The following HEMGN variants were observed in gnomAD, a reference collection of about 807,000 sequenced individuals.
HEMGN encodes the protein erythroid differentiation-associated gene protein.
A neutral mutation model predicts 45.7 loss-of-function variants in HEMGN; 32 were observed. That is an observed-to-expected ratio of 0.70 (90% CI 0.53 to 0.94). The LOEUF (loss-of-function observed/expected upper bound fraction) is 0.94, where lower values mean the gene tolerates loss of function less well. HEMGN is among the 40% of genes least tolerant of loss of function. The probability of loss-of-function intolerance (pLI) is 0.00; values close to 1 mark genes in which losing one functional copy is unlikely to be tolerated. For synonymous variants in HEMGN, 183 were observed against 178.6 expected (o/e 1.02, Z -0.20); for missense variants, 530 against 564.2 (o/e 0.94, Z 0.61).
chr9:97,928,850 A>G (rs781053113), intron 3 of HEMGN, among the ~76,000 whole-genome samples: 2 of 152,214 alleles, frequency 1.3e-5, no homozygotes, highest in Non-Finnish European at 2.9e-5. Flanking sequence ...GATGGCTGCA[A>G]TACATATTGT....
rs142711165 is a variant in HEMGN, at chr9:97,928,242, G to T, written c.1361-764C>A. ...GGGGTTTCATCGTGTTAGCCAGAAT[G>T]GTCTCGATCTCCTGACCTCGTGATC... On this transcript the variant is annotated intron_variant, in intron 3 of 3. Transcript: ENST00000616898. 6.0e-3 allele frequency among the ~76,000 whole-genome samples: 909 copies of T among 152,160 alleles called. 15 individuals carry two copies. Among genetic ancestry groups the T allele is most frequent in the African/African-American group, 0.021 (863 of 41,510 alleles).
intron 2 of HEMGN, among the ~76,000 whole-genome samples, chr9:97,933,036 A>G (rs1166855048): frequency 6.6e-6 from 1 of 152,154 alleles, no homozygotes; most frequent in Non-Finnish European, 1.5e-5. Flanking sequence ...GAGTAATGTA[A>G]TAGTCCATGT....
chr9:97,937,440 A>G (rs1344583898), intron 1 of HEMGN, among the ~76,000 whole-genome samples: 1 of 152,138 alleles, frequency 6.6e-6, no homozygotes, highest in Non-Finnish European at 1.5e-5. Flanking sequence ...TAGTTGTTGC[A>G]GATACCTTAA....
intron 3 of HEMGN, among the ~76,000 whole-genome samples, chr9:97,929,206 A>G (rs1360132913): frequency 2.0e-5 from 3 of 152,226 alleles, no homozygotes; most frequent in Non-Finnish European, 2.9e-5. Flanking sequence ...CAGTGCACGT[A>G]CTGCTTCACA....
intron 1 of HEMGN, among the ~76,000 whole-genome samples, chr9:97,943,849 C>T (rs1175220553): frequency 6.6e-6 from 1 of 152,160 alleles, no homozygotes. Context: ...ATGGCCAAAT[C>T]CAGTGGTCCA....
rs1464453658 is a variant in HEMGN at position 97,926,941 on chromosome 9, G to A, written c.*443C>T. The A allele has an allele frequency of 2.0e-5, 3 of 152,502 alleles. No homozygotes were observed. The highest frequency in any genetic ancestry group is 2.0e-4 in the Admixed American group (3 of 15,286). 9.4% of individuals were successfully genotyped at this position (152,502 alleles called of 1,614,324 possible). ...AGAATTGTTAAAACTGACCAAAAGAGTCAACTAAAGCCTGAATAAAATTTT... is the reference window on the plus strand; with the variant it reads ...AGAATTGTTAAAACTGACCAAAAGAATCAACTAAAGCCTGAATAAAATTTT... On this transcript the variant is annotated 3_prime_UTR_variant, in exon 4 of 4. Coordinates refer to ENST00000616898, the MANE Select transcript of HEMGN (RefSeq NM_197978.3).
At chr9:97,938,789 G>C (rs949337534), upstream of HEMGN, among the ~76,000 whole-genome samples, 2 of 152,130 alleles carry the variant, frequency 1.3e-5, no homozygotes, top group East Asian at 3.8e-4. Context: ...ACTTAGTTAA[G>C]AAATAGACAT....
chr9:97,934,486 T>C (rs1257498384), intron 2 of HEMGN, among the ~76,000 whole-genome samples: 3 of 147,120 alleles, frequency 2.0e-5, no homozygotes, highest in African/African-American at 7.5e-5. Flanking sequence ...ACCTGGGTTC[T>C]GGGCTCCCAA....
intron 3 of HEMGN, 138 bp downstream of exon 3, chr9:97,929,897 T>C (rs1826907859): frequency 4.3e-6 from 3 of 697,390 alleles, no homozygotes; most frequent in Non-Finnish European, 7.4e-6. Flanking sequence ...TGCATGAAAA[T>C]ATTGTTCACT....
chr9:97,928,786 G>C (rs754964195), intron 3 of HEMGN, among the ~76,000 whole-genome samples: 1 of 152,150 alleles, frequency 6.6e-6, no homozygotes, highest in Non-Finnish European at 1.5e-5. Context: ...ATAGAGACTG[G>C]TTGAATATAC....
intron 1 of HEMGN, among the ~76,000 whole-genome samples, chr9:97,943,646 A>G (rs1384102012): frequency 6.6e-6 from 1 of 152,150 alleles, no homozygotes; most frequent in Non-Finnish European, 1.5e-5. Context: ...ATGAGTGGTC[A>G]TTTATCTGGG....
At chr9:97,938,199 A>G, upstream of HEMGN, 1 of 1,034,632 alleles carries the variant, frequency 9.7e-7, no homozygotes, top group Non-Finnish European at 1.5e-6. Context: ...ATGCTTTTTT[A>G]AAATATCAAA....
intron 3 of HEMGN, among the ~76,000 whole-genome samples, chr9:97,928,296 G>A (rs1826871872): frequency 6.6e-6 from 1 of 152,120 alleles, no homozygotes; most frequent in African/African-American, 2.4e-5. Context: ...AACGTGCTGG[G>A]ATTACAGGCG....
Sources: allele counts gnomAD v4.1 joint callset (sites outside exome capture counted in the v4.1 genomes callset), GRCh38; gene constraint gnomAD v4.1.1; transcripts MANE v1.5; gene names NCBI Gene and HGNC (gene_info 2026-07-23, HGNC 2026-07-21).